PCDHGA2: variants seen among roughly 807,000 people sequenced by gnomAD.
PCDHGA2 encodes protocadherin gamma-A2.
PCDHGA2 carries 40 observed loss-of-function variants against 59.2 expected under a neutral mutation model. The ratio of observed to expected loss-of-function variants is 0.68; its 90% CI spans 0.52 to 0.88. PCDHGA2 has a LOEUF of 0.88. PCDHGA2 is among the 40% of genes least tolerant of loss of function. The pLI, the probability that PCDHGA2 is intolerant of heterozygous loss-of-function variation, is 0.00. For synonymous variants in PCDHGA2, 560 were observed against 526.0 expected, an observed-to-expected ratio of 1.06 and a Z score of -0.89; for missense variants, 1,226 against 1,204.0, an observed-to-expected ratio of 1.02 and a Z score of -0.27.
At chr5:141,408,990 A>T (rs1554103244) in intron 1 of PCDHGA2, 1 of 1,613,984 alleles carries the variant, frequency 6.2e-7, no homozygotes, top group South Asian at 1.1e-5. Flanking sequence ...CCTGTGTTGC[A>T]AGTGACAGCC....
rs765353257 is a variant in PCDHGA2 at position 141,431,824 on chromosome 5, G to A, written c.2425-62983G>A. On this transcript the variant is annotated intron_variant, in intron 1 of 3. Coordinates refer to ENST00000394576, the MANE Select transcript of PCDHGA2 (RefSeq NM_018915.4). The surrounding 1 kb of genome is among the most constrained non-coding windows in gnomAD (Gnocchi z 4.8). ...TGGTCCTCACCTCTCTCGCCAGCTC[G>A]GTTCCCGAAAACTCTCCCAGAGGGA... is the stretch of plus-strand genomic sequence containing the variant. The A allele has an allele frequency of 1.3e-5, 21 of 1,614,092 alleles. No homozygotes were observed. In the South Asian group the frequency reaches 2.1e-4, roughly 16 times the overall value.
intron 1 of PCDHGA2, among the ~76,000 whole-genome samples, chr5:141,369,915 A>G (rs1429162797): frequency 6.6e-6 from 1 of 152,226 alleles, no homozygotes; most frequent in African/African-American, 2.4e-5. Flanking sequence ...TGAAAATGGA[A>G]ACTAAAAACG....
chr5:141,505,590 A>G, intron 3 of PCDHGA2, 109 bp downstream of exon 3: 1 of 1,571,996 alleles, frequency 6.4e-7, no homozygotes, highest in East Asian at 2.3e-5. Context: ...TAGTTTCTCC[A>G]GATCTTTCGG....
rs1486545769 is a variant in PCDHGA2 at position 141,431,780 on chromosome 5, A to T, written c.2425-63027A>T. On this transcript the variant is annotated intron_variant, in intron 1 of 3. Coordinates refer to ENST00000394576, the MANE Select transcript of PCDHGA2 (RefSeq NM_018915.4). This position sits in a 1 kb window ranked among gnomAD's most constrained non-coding sequence, Gnocchi z 4.8. The stretch of plus-strand genomic sequence containing the variant: ...AGTCCTGATCACTGTTCTGGACGTG[A>T]ACGACAATGCCCCAGAAGTGGTCCT... 4 of 1,614,086 alleles carry T rather than the reference A, an allele frequency of 2.5e-6. No homozygotes were observed. The highest frequency in any genetic ancestry group is 3.4e-6 in the Non-Finnish European group (4 of 1,180,028).
intron 1 of PCDHGA2, chr5:141,359,984 G>A (rs927658696): frequency 3.4e-6 from 3 of 894,908 alleles, no homozygotes; most frequent in Non-Finnish European, 3.1e-6. Context: ...GCCTCTTAGA[G>A]GGGAACTTCC....
chr5:141,409,156 A>G (rs771600341), intron 1 of PCDHGA2: 1 of 1,613,986 alleles, frequency 6.2e-7, no homozygotes, highest in Non-Finnish European at 8.5e-7. Flanking sequence ...ACACCATGGA[A>G]GTGGAAGCGA....
rs765397942 is a variant in PCDHGA2, at chr5:141,371,419, A to G, written c.2424+30024A>G. On this transcript the variant is annotated intron_variant, in intron 1 of 3. Transcript: ENST00000394576. ...CAGATAGATATTTCAGATGAAAATG[A>G]CAATGCCCCGGAGATAACCCTGGCT... The G allele has an allele frequency of 3.1e-6, 5 of 1,613,904 alleles. No individual in the cohort carries two copies. The African/African-American group carries it at 6.7e-5, about 22-fold the overall frequency.
At chr5:141,369,414 C>T (rs1245319622) in intron 1 of PCDHGA2, among the ~76,000 whole-genome samples, 1 of 152,114 alleles carries the variant, frequency 6.6e-6, no homozygotes, top group African/African-American at 2.4e-5. Context: ...TGACTATAAT[C>T]CCAGCAATTT....
intron 3 of PCDHGA2, among the ~76,000 whole-genome samples, chr5:141,510,657 G>A (rs1388054630): frequency 6.6e-6 from 1 of 152,156 alleles, no homozygotes; most frequent in Non-Finnish European, 1.5e-5. Context: ...CCATTTTGCA[G>A]ATGAGAAAAC....
At position 141,432,143 on chromosome 5, in the gene PCDHGA2, C is replaced by A; in HGVS notation, c.2425-62664C>A. The A allele has an allele frequency of 6.2e-7, 1 of 1,614,084 alleles. No homozygotes were observed. Among genetic ancestry groups the A allele is most frequent in the South Asian group, 1.1e-5 (1 of 91,068 alleles). On this transcript the variant is annotated intron_variant, in intron 1 of 3. Transcript: ENST00000394576. The surrounding 1 kb of genome is among the most constrained non-coding windows in gnomAD (Gnocchi z 6.0). ...TCAGGCCTCCTATTCCGCTTATATC[C>A]CAGAGAACAATCCCAGAGGAGTTTC... is the stretch of plus-strand genomic sequence containing the variant.
chr5:141,432,949 C>A lies in PCDHGA2; in HGVS notation c.2425-61858C>A, dbSNP rs764998032. ...CACGCCTGCTGCAGGCTTCAGGAGG[C>A]GGCTTGACAGGAGCGCCGGCGTCGC... On this transcript the variant is annotated intron_variant, in intron 1 of 3. Transcript: ENST00000394576. This position sits in a 1 kb window ranked among gnomAD's most constrained non-coding sequence, Gnocchi z 6.0. The A allele has an allele frequency of 1.9e-6, 3 of 1,614,184 alleles. No homozygotes were observed. The highest frequency in any genetic ancestry group is 2.5e-6 in the Non-Finnish European group (3 of 1,180,040).
In PCDHGA2 at chr5:141,511,599, C is replaced by G; in HGVS notation, c.*426C>G. 4.0e-6 allele frequency: 1 copy of G among 252,540 alleles called. No homozygotes were observed. Among genetic ancestry groups the G allele is most frequent in the South Asian group, 5.2e-5 (1 of 19,398 alleles). 15.6% of individuals were successfully genotyped at this position (252,540 alleles called of 1,614,324 possible). ...GTTGGGGTGTTGAAGTACCAAGTAA[C>G]CTACAAGCCTCCTAGTTCTGAAAAG... On this transcript the variant is annotated 3_prime_UTR_variant, in exon 4 of 4. Coordinates refer to ENST00000394576, the MANE Select transcript of PCDHGA2 (RefSeq NM_018915.4).
intron 1 of PCDHGA2, chr5:141,373,848 C>T (rs955090382): frequency 2.0e-5 from 9 of 446,824 alleles, no homozygotes; most frequent in Non-Finnish European, 3.5e-5. Flanking sequence ...GGACTCTAAG[C>T]GTCGCTGTTG....
intron 1 of PCDHGA2, among the ~76,000 whole-genome samples, chr5:141,460,653 G>A (rs10058370): frequency 0.17 from 25,559 of 151,914 alleles, 2,196 homozygotes; most frequent in South Asian, 0.22. Flanking sequence ...TTACACATAT[G>A]TAACTGTAAA....
intron 1 of PCDHGA2, chr5:141,388,735 C>A: frequency 6.2e-7 from 1 of 1,613,974 alleles, no homozygotes; most frequent in East Asian, 2.2e-5. Context: ...TTCAGTGAAG[C>A]TAGCCAGATC....
intron 1 of PCDHGA2, chr5:141,351,758 T>C (rs765031042): frequency 6.2e-7 from 1 of 1,613,626 alleles, no homozygotes; most frequent in Non-Finnish European, 8.5e-7. Context: ...GCTGTTGTCC[T>C]ACGTGTCCGT....
intron 1 of PCDHGA2, chr5:141,357,445 T>C: frequency 1.9e-6 from 3 of 1,614,216 alleles, no homozygotes; most frequent in Non-Finnish European, 2.5e-6. Flanking sequence ...GGTTCGGGCT[T>C]TCCTGCAGAC....
chr5:141,345,886 C>A, intron 1 of PCDHGA2: 1 of 1,613,424 alleles, frequency 6.2e-7, no homozygotes, highest in Non-Finnish European at 8.5e-7. Flanking sequence ...GGACTCTTCT[C>A]GGTGGGTCTG....
intron 1 of PCDHGA2, chr5:141,355,966 C>T (rs2149788851): frequency 1.9e-6 from 3 of 1,613,816 alleles, no homozygotes; most frequent in Non-Finnish European, 1.7e-6. Context: ...TGAGAACGTT[C>T]CTGTAGGCAC....
Sources: gnomAD v4.1 joint callset for allele counts (sites outside exome capture counted in the v4.1 genomes callset) on GRCh38, gnomAD v4.1.1 for gene constraint, Gnocchi (gnomAD v3.1) non-coding constraint, MANE v1.5 for transcripts, NCBI Gene and HGNC (gene_info 2026-07-23, HGNC 2026-07-21) for gene names.